TAB2: variants seen among roughly 807,000 people sequenced by gnomAD.
TAB2 encodes the protein TGF-beta-activated kinase 1 and MAP3K7-binding protein 2.
TAB2 carries 3 observed loss-of-function variants against 65.0 expected under a neutral mutation model. That is an observed-to-expected ratio of 0.05 (90% CI 0.02 to 0.12). TAB2 has a LOEUF of 0.12. TAB2 is among the 10% of genes least tolerant of loss of function. The pLI is 1.00. For synonymous variants in TAB2, 298 were observed against 285.1 expected, an observed-to-expected ratio of 1.05 and a Z score of -0.46; for missense variants, 623 against 840.3, an observed-to-expected ratio of 0.74 and a Z score of 3.20.
Position 149,378,940 on chromosome 6 carries a change from G to T in TAB2, c.1025G>T (p.Arg342Leu), listed in dbSNP as rs750390016. The T allele has an allele frequency of 3.1e-6, 5 of 1,614,064 alleles. No individual in the cohort carries two copies. Among genetic ancestry groups the T allele is most frequent in the East Asian group, 4.5e-5 (2 of 44,882 alleles). Residue 342 changes from arginine to leucine, a missense_variant, in exon 3 of 7, where the codon CGT becomes CTT. Arg to Leu is a moderately radical substitution (Grantham distance 102). Coordinates refer to ENST00000637181, the MANE Select transcript of TAB2 (RefSeq NM_001292034.3). ...PPQRNNSSKL[R>L]SSGPRTSSTS... ...CAAAGAAATAATTCTTCAAAACTGC[G>T]TTCTTCTGGACCTCGAACCTCCAGC... is the stretch of plus-strand genomic sequence containing the variant.
intron 2 of TAB2, among the ~76,000 whole-genome samples, chr6:149,370,972 A>C (rs1033011414): frequency 1.3e-5 from 2 of 148,918 alleles, no homozygotes; most frequent in Admixed American, 1.4e-4. Flanking sequence ...AGACTGAAGC[A>C]TGAGAATTGC....
intron 1 of TAB2, among the ~76,000 whole-genome samples, chr6:149,263,161 C>T (rs1778189933): frequency 6.6e-6 from 1 of 152,046 alleles, no homozygotes; most frequent in African/African-American, 2.4e-5. Context: ...TTCAACTGAT[C>T]AAATTTCATA....
chr6:149,400,420 T>G, intron 6 of TAB2: 2 of 1,614,156 alleles, frequency 1.2e-6, no homozygotes, highest in South Asian at 1.1e-5. Flanking sequence ...ACAGAAGAAG[T>G]CAAGACTGAG....
chr6:149,274,435 A>C (rs1361804157), intron 1 of TAB2, among the ~76,000 whole-genome samples: 1 of 152,216 alleles, frequency 6.6e-6, no homozygotes, highest in East Asian at 1.9e-4. Context: ...GCCATACTGA[A>C]ATATTATCAT....
At chr6:149,325,531 ATTC>A (rs1779574768) in intron 1 of TAB2, among the ~76,000 whole-genome samples, 1 of 152,204 alleles carries the variant, frequency 6.6e-6, no homozygotes, top group Non-Finnish European at 1.5e-5. Flanking sequence ...CGGATTGTTA[ATTC>A]TTTGTATTTT....
intron 1 of TAB2, among the ~76,000 whole-genome samples, chr6:149,270,770 A>G (rs1778346602): frequency 6.6e-6 from 1 of 152,214 alleles, no homozygotes; most frequent in Non-Finnish European, 1.5e-5. Flanking sequence ...AGCCTCTCCG[A>G]CGTACACATG....
At chr6:149,312,779 C>T (rs956087222), upstream of TAB2, among the ~76,000 whole-genome samples, 5 of 152,178 alleles carry the variant, frequency 3.3e-5, no homozygotes, top group South Asian at 2.1e-4. Flanking sequence ...ATGTACAACA[C>T]GATGTCTTGT....
chr6:149,292,776 A>G (rs1469212846), intron 1 of TAB2, among the ~76,000 whole-genome samples: 9 of 152,214 alleles, frequency 5.9e-5, no homozygotes, highest in Admixed American at 6.5e-5. Flanking sequence ...TTAAGCAACA[A>G]TGAGCTTTCT....
chr6:149,312,533 T>C (rs1779182988), intron 1 of TAB2, among the ~76,000 whole-genome samples: 1 of 152,322 alleles, frequency 6.6e-6, no homozygotes, highest in Admixed American at 6.5e-5. Context: ...CGACTAATTT[T>C]TGTACTTTTA....
chr6:149,407,700 G>T (rs962526014), intron 6 of TAB2, among the ~76,000 whole-genome samples: 1 of 151,240 alleles, frequency 6.6e-6, no homozygotes, highest in Admixed American at 6.6e-5. Flanking sequence ...AAAATTAAAT[G>T]TGTTTAGACC....
At chr6:149,400,487 T>G (rs759702203) in intron 6 of TAB2, 12 of 1,614,210 alleles carry the variant, frequency 7.4e-6, no homozygotes, top group Admixed American at 3.3e-5. Context: ...TGGTGCAGTT[T>G]AAGATTAAGA....
intron 1 of TAB2, among the ~76,000 whole-genome samples, chr6:149,236,908 T>C (rs1777505703): frequency 6.6e-6 from 1 of 152,242 alleles, no homozygotes; most frequent in African/African-American, 2.4e-5. Context: ...ATCTTTTCCT[T>C]TGACTTTTGT....
intron 1 of TAB2, among the ~76,000 whole-genome samples, chr6:149,349,114 T>C (rs1780401933): frequency 6.6e-6 from 1 of 152,046 alleles, no homozygotes; most frequent in South Asian, 2.1e-4. Flanking sequence ...GAATTGCAGC[T>C]TGTGAGTTAT....
At chr6:149,230,719 T>C (rs1415910043) in intron 1 of TAB2, among the ~76,000 whole-genome samples, 6 of 152,198 alleles carry the variant, frequency 3.9e-5, no homozygotes, top group African/African-American at 1.4e-4. Flanking sequence ...ATTGGATGGC[T>C]TCAGTGGAAG....
At chr6:149,350,223 C>T (rs1284268413) in intron 1 of TAB2, among the ~76,000 whole-genome samples, 3 of 152,090 alleles carry the variant, frequency 2.0e-5, no homozygotes, top group Admixed American at 6.6e-5. Flanking sequence ...TAAGCCACTG[C>T]GCCCGGCTGG....
intron 3 of TAB2, among the ~76,000 whole-genome samples, chr6:149,381,029 C>T (rs999364379): frequency 4.6e-5 from 7 of 152,130 alleles, no homozygotes; most frequent in Admixed American, 3.9e-4. Context: ...ACTGCTTGAG[C>T]CCAGAAGTTT....
chr6:149,374,568 A>G (rs1192452564), intron 2 of TAB2, among the ~76,000 whole-genome samples: 1 of 152,190 alleles, frequency 6.6e-6, no homozygotes, highest in Non-Finnish European at 1.5e-5. Context: ...TAGCACCCCT[A>G]ATGAAATAGT....
chr6:149,370,218 A>T, intron 2 of TAB2, 119 bp downstream of exon 2: 2 of 987,738 alleles, frequency 2.0e-6, no homozygotes, highest in Non-Finnish European at 3.1e-6. Flanking sequence ...ATGAAAAGAG[A>T]TAAGCTTTGG....
Position 149,308,505 on chromosome 6 carries a change from TTTATTTATTTATTTAC to T in TAB2, c.-120-69497_-120-69482del, listed in dbSNP as rs1001999024. ...AACCATTAGTGATATTTTCTATTTA[TTTATTTATTTATTTAC>T]TTATTTATTTATTTATTTATTTTTG... is the stretch of plus-strand genomic sequence containing the variant. On this transcript the variant is annotated intron_variant, in intron 1 of 1. Coordinates refer to the TAB2 transcript ENST00000606202. Among the ~76,000 whole-genome samples the T allele has an allele frequency of 3.8e-3, 464 of 121,446 alleles. 2 individuals are homozygous for T. Among genetic ancestry groups the T allele is most frequent in the African/African-American group, 0.013 (411 of 30,980 alleles). 79.7% of individuals were successfully genotyped at this position (121,446 alleles called of 152,430 possible). A position where few individuals can be genotyped will look rare whatever the true frequency, so the allele number is the denominator to read the frequency against.
Sources: gnomAD v4.1 joint callset for allele counts (sites outside exome capture counted in the v4.1 genomes callset) on GRCh38, gnomAD v4.1.1 for gene constraint, MANE v1.5 for transcripts, NCBI Gene and HGNC (gene_info 2026-07-23, HGNC 2026-07-21) for gene names.